R3HDM2: variants seen among roughly 807,000 people sequenced by gnomAD.
R3HDM2 encodes the protein R3H domain-containing protein 2.
In R3HDM2, 38 loss-of-function variants were observed where a neutral mutation model predicts 124.5. That is an observed-to-expected ratio of 0.31 (90% CI 0.24 to 0.40). The LOEUF (loss-of-function observed/expected upper bound fraction) is 0.40. R3HDM2 is among the 10% of genes least tolerant of loss of function. The pLI, the probability that R3HDM2 is intolerant of heterozygous loss-of-function variation, is 1.00. For missense variants in R3HDM2, 869 were observed against 1,236.9 expected (o/e 0.70, Z 4.46); for synonymous variants, 391 against 448.0 (o/e 0.87, Z 1.61).
At chr12:57,372,571 T>G (rs1386016886) in intron 2 of R3HDM2, among the ~76,000 whole-genome samples, 1 of 152,162 alleles carries the variant, frequency 6.6e-6, no homozygotes, top group Non-Finnish European at 1.5e-5. Context: ...ATTTGGCAAA[T>G]CTGATAACAA....
intron 2 of R3HDM2, among the ~76,000 whole-genome samples, chr12:57,382,184 G>A (rs2064992807): frequency 6.6e-6 from 1 of 151,586 alleles, no homozygotes. Context: ...ACACAATCGT[G>A]GCTCACTGCA....
Position 57,345,500 on chromosome 12 carries a change from TACACACACACACACAC to T in R3HDM2, c.-35-35053_-35-35038del, listed in dbSNP as rs55903347. 9.4e-4 allele frequency among the ~76,000 whole-genome samples: 139 copies of T among 147,628 alleles called. 4 individuals are homozygous for T. The South Asian group carries it at 0.019, about 20-fold the overall frequency. ...TTCAAATGGCTTCATATTTCTTTTA[TACACACACACACACAC>T]ACACACACACACACACACACACACA... is the stretch of plus-strand genomic sequence containing the variant. On this transcript the variant is annotated intron_variant, in intron 2 of 23. Coordinates refer to ENST00000402412, the MANE Select transcript of R3HDM2 (RefSeq NM_001394031.1).
At chr12:57,364,143 CTTTTTTTTTTTTT>C (rs11320875) in intron 2 of R3HDM2, among the ~76,000 whole-genome samples, 1 of 81,670 alleles carries the variant, frequency 1.2e-5, no homozygotes, top group African/African-American at 4.6e-5. Context: ...GACTCGGTGT[CTTTTTTTTTTTTT>C]TTTTTTTTTC....
chr12:57,289,913 C>G (rs936387534), intron 11 of R3HDM2, among the ~76,000 whole-genome samples: 1 of 152,212 alleles, frequency 6.6e-6, no homozygotes, highest in Admixed American at 6.5e-5. Flanking sequence ...AGGCTCCTCT[C>G]CACATGGAAT....
chr12:57,300,471 C>A lies in R3HDM2; in HGVS notation c.208-290G>T, dbSNP rs527877752. Reference sequence around the variant, plus strand: ...CCTCTTCTCTCTTCAACCCCATACTCTAATTTCAGTCTCAGAACTTTATGC... The same window carrying A: ...CCTCTTCTCTCTTCAACCCCATACTATAATTTCAGTCTCAGAACTTTATGC... On this transcript the variant is annotated intron_variant, in intron 4 of 23. Coordinates refer to ENST00000402412, the MANE Select transcript of R3HDM2 (RefSeq NM_001394031.1). Among the ~76,000 whole-genome samples the A allele has an allele frequency of 7.2e-5, 11 of 152,322 alleles. No homozygotes were observed. The South Asian group carries it at 2.3e-3, about 32-fold the overall frequency.
At chr12:57,339,989 T>G (rs546603544) in intron 2 of R3HDM2, among the ~76,000 whole-genome samples, 1 of 152,330 alleles carries the variant, frequency 6.6e-6, no homozygotes, top group Admixed American at 6.5e-5. Flanking sequence ...CTTACTTCTC[T>G]AACATCTTTC....
chr12:57,334,726 G>A (rs1024102760), intron 2 of R3HDM2, among the ~76,000 whole-genome samples: 3 of 152,048 alleles, frequency 2.0e-5, no homozygotes, highest in African/African-American at 7.2e-5. Flanking sequence ...CCAACACCAG[G>A]ATATATTGAG....
chr12:57,326,447 A>G (rs2057322775), intron 2 of R3HDM2, among the ~76,000 whole-genome samples: 1 of 152,256 alleles, frequency 6.6e-6, no homozygotes, highest in Non-Finnish European at 1.5e-5. Flanking sequence ...AGAAAGTGAA[A>G]CAGCCAAGTC....
intron 2 of R3HDM2, among the ~76,000 whole-genome samples, chr12:57,352,495 T>TC (rs1486995327): frequency 1.3e-5 from 2 of 149,248 alleles, no homozygotes; most frequent in African/African-American, 2.4e-5. Flanking sequence ...GCAAACGCTT[T>TC]TTTTTTTTTT....
At chr12:57,300,549 G>C (rs1373399321) in intron 4 of R3HDM2, among the ~76,000 whole-genome samples, 1 of 152,194 alleles carries the variant, frequency 6.6e-6, no homozygotes, top group Non-Finnish European at 1.5e-5. Flanking sequence ...AGAGCCAAAA[G>C]TCCTAGCTTC....
chr12:57,345,151 T>TG (rs201982504), intron 2 of R3HDM2, among the ~76,000 whole-genome samples: 2 of 151,426 alleles, frequency 1.3e-5, no homozygotes, highest in African/African-American at 2.4e-5. Context: ...ATTTCCTTAT[T>TG]GGGGGAAAAA....
At chr12:57,415,645 C>T (rs1275592907) in intron 1 of R3HDM2, among the ~76,000 whole-genome samples, 1 of 149,768 alleles carries the variant, frequency 6.7e-6, no homozygotes, top group African/African-American at 2.4e-5. Context: ...TCAATTTAAC[C>T]AAGCAGACTT....
intron 3 of R3HDM2, among the ~76,000 whole-genome samples, chr12:57,304,830 C>G (rs961414297): frequency 1.3e-5 from 2 of 152,176 alleles, no homozygotes; most frequent in African/African-American, 2.4e-5. Flanking sequence ...TTGGATATAT[C>G]CAGGTATCTT....
chr12:57,265,160 TA>T (rs370107076), intron 19 of R3HDM2, among the ~76,000 whole-genome samples: 3 of 151,656 alleles, frequency 2.0e-5, no homozygotes, highest in Admixed American at 6.6e-5. Context: ...AGAAATTGAG[TA>T]AAAAAAAGTG....
Position 57,296,346 on chromosome 12 carries a change from C to T in R3HDM2, c.701+65G>A. 1.3e-6 allele frequency: 2 copies of T among 1,524,246 alleles called. No homozygotes were observed. The highest frequency in any genetic ancestry group is 2.4e-5 in the South Asian group (2 of 82,836). 94.4% of individuals were successfully genotyped at this position (1,524,246 alleles called of 1,614,324 possible). A position where few individuals can be genotyped will look rare whatever the true frequency, so the allele number is the denominator to read the frequency against. On this transcript the variant is annotated intron_variant, in intron 9 of 23. Transcript: ENST00000402412. The surrounding 1 kb of genome is among the most constrained non-coding windows in gnomAD (Gnocchi z 4.5). ...TGCAAGAGACATCCTGATCCTACACCTTCCTCTTCCAACCCAGCAGGTTAT... is the reference window on the plus strand; with the variant it reads ...TGCAAGAGACATCCTGATCCTACACTTTCCTCTTCCAACCCAGCAGGTTAT...
At chr12:57,344,658 G>C (rs1392362370) in intron 2 of R3HDM2, among the ~76,000 whole-genome samples, 3 of 152,026 alleles carry the variant, frequency 2.0e-5, no homozygotes, top group Admixed American at 2.0e-4. Context: ...GAAAATTTTA[G>C]AACTGGAAAA....
Position 57,299,762 on chromosome 12 carries a change from C to T in R3HDM2, c.295-284G>A, listed in dbSNP as rs577585820. Among the ~76,000 whole-genome samples the T allele has an allele frequency of 2.0e-5, 3 of 152,282 alleles. No individual in the cohort carries two copies. The South Asian group carries it at 6.2e-4, about 32-fold the overall frequency. ...CTAACCACCAGAGGGGGAGGGTACA[C>T]ATAAGAAAATAAGATCTAGCCCTGG... is the stretch of plus-strand genomic sequence containing the variant. On this transcript the variant is annotated intron_variant, in intron 5 of 23. Transcript: ENST00000402412.
chr12:57,321,346 G>A (rs1024305365), intron 2 of R3HDM2, among the ~76,000 whole-genome samples: 9 of 152,144 alleles, frequency 5.9e-5, no homozygotes, highest in African/African-American at 2.2e-4. Flanking sequence ...TGTACATACT[G>A]AGACACACAA....
intron 2 of R3HDM2, among the ~76,000 whole-genome samples, chr12:57,366,752 C>T (rs555049446): frequency 7.2e-5 from 11 of 152,144 alleles, no homozygotes; most frequent in African/African-American, 1.4e-4. Flanking sequence ...TGCAGTGGCG[C>T]GATCTTGGCT....
Sources: allele counts gnomAD v4.1 joint callset (sites outside exome capture counted in the v4.1 genomes callset), GRCh38; gene constraint gnomAD v4.1.1; non-coding constraint Gnocchi (gnomAD v3.1); transcripts MANE v1.5; gene names NCBI Gene and HGNC (gene_info 2026-07-23, HGNC 2026-07-21).